The following KCNIP4 variants were observed in gnomAD, a reference collection of about 807,000 sequenced individuals.
The protein encoded by KCNIP4 is potassium voltage-gated channel interacting protein 4, also known as Kv channel-interacting protein 4.
A neutral mutation model predicts 34.0 loss-of-function variants in KCNIP4; 12 were observed. The ratio of observed to expected loss-of-function variants is 0.35; its 90% CI spans 0.23 to 0.57. KCNIP4 has a LOEUF of 0.57. KCNIP4 is among the 20% of genes least tolerant of loss of function. The pLI is 0.83. For synonymous variants in KCNIP4, 124 were observed against 102.2 expected, an observed-to-expected ratio of 1.21 and a Z score of -1.29; for missense variants, 238 against 311.7, an observed-to-expected ratio of 0.76 and a Z score of 1.78.
intron 3 of KCNIP4, among the ~76,000 whole-genome samples, chr4:20,773,929 C>T (rs1376719268): frequency 6.6e-6 from 1 of 152,024 alleles, no homozygotes; most frequent in East Asian, 1.9e-4. Flanking sequence ...AGCAAGACAA[C>T]GCCACTAAAG....
chr4:21,549,462 TGACA>T (rs1448328189), intron 1 of KCNIP4, among the ~76,000 whole-genome samples: 1 of 151,842 alleles, frequency 6.6e-6, no homozygotes, highest in Non-Finnish European at 1.5e-5. Context: ...TAAAAGAGCC[TGACA>T]TTTCTCTTGC....
intron 3 of KCNIP4, among the ~76,000 whole-genome samples, chr4:20,779,958 G>C (rs974701503): frequency 6.6e-6 from 1 of 152,204 alleles, no homozygotes. Context: ...TAGACAGTAA[G>C]AGAGTAAATT....
At chr4:21,293,895 T>A (rs1447014940) in intron 1 of KCNIP4, among the ~76,000 whole-genome samples, 1 of 152,182 alleles carries the variant, frequency 6.6e-6, no homozygotes, top group East Asian at 1.9e-4. Flanking sequence ...CTGCCTCTGA[T>A]CATGATCTAG....
At chr4:20,894,439 TG>T (rs1361158014) in intron 1 of KCNIP4, among the ~76,000 whole-genome samples, 1 of 152,230 alleles carries the variant, frequency 6.6e-6, no homozygotes, top group Non-Finnish European at 1.5e-5. Flanking sequence ...TAGGCTACTC[TG>T]TTCATTTTAT....
At chr4:21,070,949 AC>A (rs1459144368) in intron 1 of KCNIP4, among the ~76,000 whole-genome samples, 1 of 152,064 alleles carries the variant, frequency 6.6e-6, no homozygotes, top group Non-Finnish European at 1.5e-5. Context: ...TGCTGGAATT[AC>A]AGGCTTGAGC....
intron 1 of KCNIP4, among the ~76,000 whole-genome samples, chr4:21,288,917 T>C (rs1259584668): frequency 6.6e-6 from 1 of 152,228 alleles, no homozygotes; most frequent in Admixed American, 6.5e-5. Flanking sequence ...CATTTTTTCA[T>C]GGCTGTATAG....
At chr4:21,438,258 G>C (rs1247196166) in intron 1 of KCNIP4, among the ~76,000 whole-genome samples, 1 of 152,094 alleles carries the variant, frequency 6.6e-6, no homozygotes, top group African/African-American at 2.4e-5. Context: ...TTCTTTACTA[G>C]AGCTAAAGAT....
At chr4:21,176,681 C>T (rs1374713619) in intron 1 of KCNIP4, among the ~76,000 whole-genome samples, 1 of 152,144 alleles carries the variant, frequency 6.6e-6, no homozygotes, top group Non-Finnish European at 1.5e-5. Flanking sequence ...GCCACCACGC[C>T]CAGCTAATTT....
intron 1 of KCNIP4, among the ~76,000 whole-genome samples, chr4:21,742,494 T>C (rs188703582): frequency 1.3e-5 from 2 of 152,322 alleles, no homozygotes; most frequent in African/African-American, 4.8e-5. Context: ...AAAGCTGGCA[T>C]TTTACTTCAC....
chr4:21,929,823 G>A (rs965544474), intron 1 of KCNIP4, among the ~76,000 whole-genome samples: 1 of 152,042 alleles, frequency 6.6e-6, no homozygotes, highest in Non-Finnish European at 1.5e-5. Context: ...ACTTAACCAT[G>A]CAAAGCACTT....
At chr4:20,885,678 T>C (rs1216620078) in intron 1 of KCNIP4, among the ~76,000 whole-genome samples, 2 of 152,160 alleles carry the variant, frequency 1.3e-5, no homozygotes, top group Non-Finnish European at 2.9e-5. Flanking sequence ...GCAGGCAAAA[T>C]GAACCCATTG....
chr4:20,748,869 C>G (rs925362129), intron 5 of KCNIP4, among the ~76,000 whole-genome samples: 5 of 117,764 alleles, frequency 4.2e-5, no homozygotes, highest in African/African-American at 1.6e-4. Context: ...ATATGAATTA[C>G]GTGTGTGTGT....
chr4:21,252,550 C>A (rs1760790040), intron 1 of KCNIP4, among the ~76,000 whole-genome samples: 1 of 151,996 alleles, frequency 6.6e-6, no homozygotes, highest in African/African-American at 2.4e-5. Flanking sequence ...ATCACCTAAG[C>A]AGGGCAGCAC....
intron 1 of KCNIP4, among the ~76,000 whole-genome samples, chr4:21,677,429 C>T (rs1054049396): frequency 2.0e-5 from 3 of 152,178 alleles, no homozygotes; most frequent in African/African-American, 4.8e-5. Context: ...GTTCAGGATG[C>T]TCTTGAAGCT....
At chr4:21,880,243 AT>A (rs1226517722) in intron 1 of KCNIP4, among the ~76,000 whole-genome samples, 2 of 152,186 alleles carry the variant, frequency 1.3e-5, no homozygotes, top group African/African-American at 2.4e-5. Context: ...ATTTTTTATT[AT>A]TTAAAAATAG....
At chr4:21,105,525 A>T (rs1230163566) in intron 1 of KCNIP4, among the ~76,000 whole-genome samples, 5 of 151,668 alleles carry the variant, frequency 3.3e-5, no homozygotes, top group Non-Finnish European at 7.3e-5. Context: ...TAGATATACA[A>T]TCATGTCATC....
intron 1 of KCNIP4, among the ~76,000 whole-genome samples, chr4:21,621,054 G>T (rs945746740): frequency 1.3e-5 from 2 of 152,168 alleles, no homozygotes; most frequent in African/African-American, 4.8e-5. Context: ...AAAACTCACA[G>T]CATTAAACCA....
chr4:21,868,331 T>C (rs935899037), intron 1 of KCNIP4, among the ~76,000 whole-genome samples: 1 of 152,228 alleles, frequency 6.6e-6, no homozygotes, highest in African/African-American at 2.4e-5. Context: ...TTACGCATTT[T>C]ATATGTGTAT....
At chr4:21,296,470 T>TTA (rs1208270462) in intron 1 of KCNIP4, among the ~76,000 whole-genome samples, 1 of 151,596 alleles carries the variant, frequency 6.6e-6, no homozygotes, top group Non-Finnish European at 1.5e-5. Flanking sequence ...AAATAACTTA[T>TTA]TATAATCTTA....
Sources: gnomAD v4.1 joint callset for allele counts (sites outside exome capture counted in the v4.1 genomes callset) on GRCh38, gnomAD v4.1.1 for gene constraint, MANE v1.5 for transcripts, NCBI Gene and HGNC (gene_info 2026-07-23, HGNC 2026-07-21) for gene names.